DTX4: variants seen among roughly 807,000 people sequenced by gnomAD.
The protein encoded by DTX4 is deltex E3 ubiquitin ligase 4.
Under a neutral mutation model 57.6 loss-of-function variants are expected in DTX4, and 28 were observed. That is an observed-to-expected ratio of 0.49 (90% CI 0.36 to 0.67). The LOEUF (loss-of-function observed/expected upper bound fraction) is 0.67. Ranked by LOEUF, DTX4 falls within the 30% of genes least tolerant of loss-of-function variation. DTX4 has a pLI of 0.00. For missense variants in DTX4, 715 were observed against 836.8 expected, an observed-to-expected ratio of 0.85 and a Z score of 1.80; for synonymous variants, 316 against 331.0, an observed-to-expected ratio of 0.95 and a Z score of 0.49.
At chr11:59,187,521 G>A (rs1291945108) in intron 2 of DTX4, among the ~76,000 whole-genome samples, 1 of 152,198 alleles carries the variant, frequency 6.6e-6, no homozygotes, top group Non-Finnish European at 1.5e-5. Context: ...ACACAAAGTA[G>A]GGCTCAATAA....
intron 1 of DTX4, among the ~76,000 whole-genome samples, chr11:59,178,673 G>A (rs1276523139): frequency 6.6e-6 from 1 of 152,216 alleles, no homozygotes; most frequent in East Asian, 1.9e-4. Flanking sequence ...AAATGTTGCT[G>A]AAACATTGGT....
intron 8 of DTX4, among the ~76,000 whole-genome samples, chr11:59,202,664 TCCTGAAATCAATC>T (rs1177918812): frequency 2.6e-5 from 4 of 152,162 alleles, no homozygotes; most frequent in African/African-American, 9.7e-5. Context: ...AGTCAGGCAG[TCCTGAAATCAATC>T]CCTTAACCCC....
Position 59,181,972 on chromosome 11 carries a change from C to T in DTX4, c.445C>T (p.Arg149Cys), listed in dbSNP as rs780239409. 6.2e-6 allele frequency: 10 copies of T among 1,613,944 alleles called. No homozygotes were observed. Among genetic ancestry groups the T allele is most frequent in the East Asian group, 2.2e-5 (1 of 44,882 alleles). The change falls in exon 2 of 9, where the codon CGC becomes TGC. Residue 149 changes from arginine to cysteine, a missense_variant. Arg to Cys is a radical substitution (Grantham distance 180, BLOSUM62 -3). Transcript: ENST00000227451. ...GGGCCAGATCAACCGTCAGACCCAGCGCCAACGCCGCGTCCGCCGGCGCCT... is the reference window on the plus strand; with the variant it reads ...GGGCCAGATCAACCGTCAGACCCAGTGCCAACGCCGCGTCCGCCGGCGCCT... ...TMGQINRQTQ[R>C]QRRVRRRLDL...
At position 59,192,198 on chromosome 11, in the gene DTX4, G is replaced by A. The variant is rs778348066; in HGVS notation, c.1322G>A (p.Gly441Asp). The A allele has an allele frequency of 7.4e-6, 12 of 1,613,876 alleles. No homozygotes were observed. The highest frequency in any genetic ancestry group is 2.7e-5 in the African/African-American group (2 of 74,928). ...CTGGTAGGGAAGCTGTCCAGATGCG[G>A]CCACGTCTACCACATCTACTGCTTG... Reference protein sequence around the residue: ...PDLVGKLSRCGHVYHIYCLVA... With the variant: ...PDLVGKLSRCDHVYHIYCLVA... Residue 441 changes from glycine (G) to aspartate (D), a missense_variant, in exon 6 of 9, where the codon GGC (glycine) becomes GAC (aspartate). Coordinates refer to ENST00000227451, the MANE Select transcript of DTX4 (RefSeq NM_015177.2).
In DTX4 at chr11:59,192,213, T is replaced by G; in HGVS notation, c.1337T>G (p.Ile446Ser). Residue 446 changes from isoleucine (I) to serine (S), a missense_variant, in exon 6 of 9, where the codon ATC becomes AGC. Ile to Ser is a moderately radical substitution (Grantham distance 142, BLOSUM62 -2). Transcript: ENST00000227451. ...TCCAGATGCGGCCACGTCTACCACA[T>G]CTACTGCTTGGTTGCCATGTACAAC... ...KLSRCGHVYHIYCLVAMYNNG... is the reference protein window; with the variant it reads ...KLSRCGHVYHSYCLVAMYNNG... The G allele has an allele frequency of 6.2e-7, 1 of 1,613,938 alleles. No homozygotes were observed. Among genetic ancestry groups the G allele is most frequent in the African/African-American group, 1.3e-5 (1 of 75,020 alleles).
rs1862818579 is a variant in DTX4 at position 59,206,903 on chromosome 11, C to G, written c.*1994C>G. 1 of 152,580 alleles carries G rather than the reference C, an allele frequency of 6.6e-6. No individual in the cohort carries two copies. Among genetic ancestry groups the G allele is most frequent in the Non-Finnish European group, 1.5e-5 (1 of 68,028 alleles). 9.5% of individuals were successfully genotyped at this position (152,580 alleles called of 1,614,324 possible). A position where few individuals can be genotyped will look rare whatever the true frequency, so the allele number is the denominator to read the frequency against. On this transcript the variant is annotated 3_prime_UTR_variant, in exon 9 of 9. Coordinates refer to ENST00000227451, the MANE Select transcript of DTX4 (RefSeq NM_015177.2). The stretch of plus-strand genomic sequence containing the variant: ...CAGCCATTGTATCTCACCAGCAGAC[C>G]AGGAGACTGGTCCCAAGGTTACTGC...
At chr11:59,177,203 T>G (rs756448131) in intron 1 of DTX4, among the ~76,000 whole-genome samples, 3 of 152,098 alleles carry the variant, frequency 2.0e-5, no homozygotes, top group Non-Finnish European at 2.9e-5. Flanking sequence ...GAAATTTGAG[T>G]GTACCCATGC....
intron 3 of DTX4, 53 bp from the exon 4 acceptor site, chr11:59,189,109 A>G: frequency 6.3e-7 from 1 of 1,598,828 alleles, no homozygotes; most frequent in South Asian, 1.1e-5. Context: ...AATTTGGGGA[A>G]TGTTGAGAGC....
rs3740946 is a variant in DTX4 at position 59,205,196 on chromosome 11, C to A, written c.*287C>A. On this transcript the variant is annotated 3_prime_UTR_variant, in exon 9 of 9. Transcript: ENST00000227451. ...GGTAGGCAGGAATCCCCTCCCTACC[C>A]CACCTCCCAAGTAGGGGCATGGTCA... The A allele has an allele frequency of 0.11, 42,819 of 387,884 alleles. 3,091 individuals carry two copies. The highest frequency in any genetic ancestry group is 0.27 in the East Asian group (5,081 of 18,866). 24.0% of individuals were successfully genotyped at this position (387,884 alleles called of 1,614,324 possible). A position where few individuals can be genotyped will look rare whatever the true frequency, so the allele number is the denominator to read the frequency against.
At chr11:59,185,022 C>T (rs569868936) in intron 2 of DTX4, among the ~76,000 whole-genome samples, 8 of 152,220 alleles carry the variant, frequency 5.3e-5, no homozygotes, top group East Asian at 1.9e-4. Flanking sequence ...AACTTTCCCA[C>T]GGAAAAAGGA....
Position 59,195,338 on chromosome 11 carries a change from G to C in DTX4, c.1505G>C (p.Arg502Pro). Residue 502 changes from arginine to proline, a missense_variant, in exon 7 of 9, where the codon CGG (arginine) becomes CCG (proline). Physicochemically the swap from Arg to Pro is moderately radical, Grantham distance 103. Transcript: ENST00000227451. Reference protein sequence around the residue: ...LPGHPDCKTIRIIYSIPPGIQ... With the variant: ...LPGHPDCKTIPIIYSIPPGIQ... ...GGCCACCCAGACTGCAAAACCATCC[G>C]GATCATCTACAGCATCCCCCCCGGC... 2 of 1,613,490 alleles carry C rather than the reference G, an allele frequency of 1.2e-6. No homozygotes were observed. The highest frequency in any genetic ancestry group is 1.7e-6 in the Non-Finnish European group (2 of 1,179,646).
intron 6 of DTX4, among the ~76,000 whole-genome samples, chr11:59,193,782 T>C (rs1862628818): frequency 6.6e-6 from 1 of 152,206 alleles, no homozygotes; most frequent in Non-Finnish European, 1.5e-5. Flanking sequence ...AAGCAGAAAG[T>C]GGGAACCTGG....
At chr11:59,176,066 A>G (rs1335582613) in intron 1 of DTX4, among the ~76,000 whole-genome samples, 1 of 152,176 alleles carries the variant, frequency 6.6e-6, no homozygotes, top group African/African-American at 2.4e-5. Context: ...TTTTCTGTGC[A>G]GGTTTTGCCT....
At chr11:59,199,543 A>G in intron 7 of DTX4, 141 bp from the exon 8 acceptor site, 2 of 681,454 alleles carry the variant, frequency 2.9e-6, no homozygotes, top group Non-Finnish European at 5.0e-6. Flanking sequence ...GACCACTCAC[A>G]GTGCTTTTTG....
At chr11:59,191,412 A>G (rs908803826) in intron 5 of DTX4, among the ~76,000 whole-genome samples, 1 of 152,238 alleles carries the variant, frequency 6.6e-6, no homozygotes, top group Non-Finnish European at 1.5e-5. Flanking sequence ...CTACCTTAAC[A>G]TGACAGTCTC....
At position 59,172,717 on chromosome 11, in the gene DTX4, G is replaced by C. The variant is rs1365449501; in HGVS notation, c.122G>C (p.Gly41Ala). ...GTGGTCCGCGCCGGCCCCCGCGCGG[G>C]GGGCAGCGTGGTGCTGGGCCAGGTG... ...EAVVRAGPRA[G>A]GSVVLGQVDS... The change falls in exon 1 of 9, where the codon GGG becomes GCG. Residue 41 changes from glycine to alanine, a missense_variant. Transcript: ENST00000227451. 3 of 1,603,404 alleles carry C rather than the reference G, an allele frequency of 1.9e-6. No individual in the cohort carries two copies. The highest frequency in any genetic ancestry group is 1.7e-6 in the Non-Finnish European group (2 of 1,176,572).
chr11:59,171,787 G>C (rs1005134733), upstream of DTX4, among the ~76,000 whole-genome samples: 9 of 152,234 alleles, frequency 5.9e-5, no homozygotes, highest in Non-Finnish European at 1.0e-4. Context: ...GAGACAATGC[G>C]TGTCTCCAGT....
At chr11:59,191,387 C>T (rs536933052) in intron 5 of DTX4, among the ~76,000 whole-genome samples, 2 of 152,344 alleles carry the variant, frequency 1.3e-5, no homozygotes, top group Non-Finnish European at 2.9e-5. Context: ...CAGCATAGTG[C>T]TGGTTGTTTT....
intron 2 of DTX4, among the ~76,000 whole-genome samples, chr11:59,187,206 G>A (rs1862539591): frequency 6.6e-6 from 1 of 152,216 alleles, no homozygotes; most frequent in Non-Finnish European, 1.5e-5. Context: ...TAAGGATTAC[G>A]TAAACACAAG....
Sources: allele counts gnomAD v4.1 joint callset (sites outside exome capture counted in the v4.1 genomes callset), GRCh38; gene constraint gnomAD v4.1.1; transcripts MANE v1.5; gene names NCBI Gene and HGNC (gene_info 2026-07-23, HGNC 2026-07-21).